Variants in CFAP54 observed in about 807,000 individuals in gnomAD.
CFAP54 encodes the protein cilia and flagella associated protein 54.
A neutral mutation model predicts 370.4 loss-of-function variants in CFAP54; 290 were observed. That is an observed-to-expected ratio of 0.78 (90% CI 0.71 to 0.86). The LOEUF is 0.86. Among genes scored for constraint, CFAP54 ranks in the 40% least tolerant of loss-of-function variants. CFAP54 has a pLI of 0.00. For synonymous variants in CFAP54, 1,206 were observed against 1,236.5 expected (o/e 0.98, Z 0.52); for missense variants, 3,399 against 3,528.7 (o/e 0.96, Z 0.93).
At chr12:96,616,579 C>A (rs1956421073) in intron 26 of CFAP54, among the ~76,000 whole-genome samples, 1 of 152,054 alleles carries the variant, frequency 6.6e-6, no homozygotes, top group Non-Finnish European at 1.5e-5. Context: ...TGACAAGACA[C>A]TGTAAGGAGA....
chr12:96,823,775 G>A lies in CFAP54; in HGVS notation c.9097-5239G>A, dbSNP rs183807465. Among the ~76,000 whole-genome samples the A allele has an allele frequency of 3.2e-3, 483 of 152,292 alleles. 3 individuals carry two copies. Among genetic ancestry groups the A allele is most frequent in the Non-Finnish European group, 5.1e-3 (344 of 68,026 alleles). ...GGTGAAAGGATTTTGTTCTGTAAGA[G>A]AGGGCTGTGGGAAAGCAGGGCTGGA... On this transcript the variant is annotated intron_variant, in intron 65 of 67. Transcript: ENST00000524981.
At chr12:96,619,804 A>C (rs1367254207) in intron 26 of CFAP54, among the ~76,000 whole-genome samples, 1 of 152,160 alleles carries the variant, frequency 6.6e-6, no homozygotes, top group South Asian at 2.1e-4. Flanking sequence ...GCTCAATTCT[A>C]TTTCCTTATA....
At chr12:96,860,754 T>C in intron 66 of CFAP54, 65 bp from the exon 67 acceptor site, 4 of 1,413,606 alleles carry the variant, frequency 2.8e-6, no homozygotes, top group Non-Finnish European at 3.7e-6. Flanking sequence ...TATTTGGGTA[T>C]TTTGAGAACT....
chr12:96,735,319 C>G (rs1025992325), intron 50 of CFAP54, among the ~76,000 whole-genome samples: 6 of 152,128 alleles, frequency 3.9e-5, no homozygotes, highest in African/African-American at 9.7e-5. Context: ...TCCACTTTAT[C>G]CCCTGAAAGG....
intron 25 of CFAP54, 79 bp downstream of exon 25, chr12:96,594,525 T>C (rs902803014): frequency 1.7e-5 from 20 of 1,173,026 alleles, no homozygotes; most frequent in Non-Finnish European, 2.1e-5. Flanking sequence ...AGAAAAGCCA[T>C]GTATCTCTTA....
intron 12 of CFAP54, among the ~76,000 whole-genome samples, chr12:96,536,630 T>TTC (rs1555228642): frequency 0.37 from 48,538 of 132,962 alleles, 8,719 homozygotes; most frequent in Non-Finnish European, 0.43. Context: ...CTTTTTCTTT[T>TTC]TTTTTTTTTT....
intron 60 of CFAP54, among the ~76,000 whole-genome samples, chr12:96,766,067 A>G (rs762578207): frequency 7.9e-5 from 12 of 152,166 alleles, no homozygotes; most frequent in Non-Finnish European, 1.8e-4. Context: ...CCAAAGGAGA[A>G]GAGTTTTAAC....
intron 48 of CFAP54, among the ~76,000 whole-genome samples, chr12:96,716,857 G>C (rs1447591997): frequency 1.3e-5 from 2 of 152,168 alleles, no homozygotes; most frequent in Non-Finnish European, 2.9e-5. Context: ...GAAAGGAGAG[G>C]AGTATGCATA....
At chr12:96,591,664 C>T (rs1202195435) in intron 23 of CFAP54, among the ~76,000 whole-genome samples, 2 of 151,764 alleles carry the variant, frequency 1.3e-5, no homozygotes, top group Non-Finnish European at 2.9e-5. Flanking sequence ...CCGAGACGGG[C>T]GGATCACGAG....
chr12:96,868,339 G>T (rs1960059886), intron 67 of CFAP54, among the ~76,000 whole-genome samples: 1 of 151,518 alleles, frequency 6.6e-6, no homozygotes, highest in South Asian at 2.1e-4. Context: ...TACTGAGGTT[G>T]AATGTTTTTC....
chr12:96,827,719 T>TATAATTATATTTAATATAATTATAG (rs1959133864), intron 65 of CFAP54, among the ~76,000 whole-genome samples: 2 of 127,702 alleles, frequency 1.6e-5, no homozygotes, highest in Non-Finnish European at 3.1e-5. Context: ...TATAATTATA[T>TATAATTATATTTAATATAATTATAG]ATAATTATAT....
At chr12:96,744,862 C>T (rs778864892) in intron 55 of CFAP54, among the ~76,000 whole-genome samples, 1 of 152,096 alleles carries the variant, frequency 6.6e-6, no homozygotes, top group African/African-American at 2.4e-5. Flanking sequence ...CTCTACCCCC[C>T]AGTAGGTCAT....
chr12:96,674,264 C>A (rs895264213), intron 39 of CFAP54, among the ~76,000 whole-genome samples: 1 of 152,072 alleles, frequency 6.6e-6, no homozygotes, highest in African/African-American at 2.4e-5. Flanking sequence ...CCGTGGTGGA[C>A]CCCTTTCTCA....
rs1958377839 is a variant in CFAP54, at chr12:96,764,544, C to G, written c.8139+295C>G. Among the ~76,000 whole-genome samples, 2 of 152,112 alleles carry G rather than the reference C, an allele frequency of 1.3e-5. 1 individual carries two copies. The highest frequency in any genetic ancestry group is 4.1e-4 in the South Asian group (2 of 4,824). The stretch of plus-strand genomic sequence containing the variant: ...GCTGAGGCAAAAGGATTGCTTGACT[C>G]TGGGAGGTCGAGGCTGCAGTGAGCT... On this transcript the variant is annotated intron_variant, in intron 59 of 67. Coordinates refer to ENST00000524981, the MANE Select transcript of CFAP54 (RefSeq NM_001306084.2).
At chr12:96,785,217 A>G (rs1958616863) in intron 61 of CFAP54, among the ~76,000 whole-genome samples, 3 of 152,220 alleles carry the variant, frequency 2.0e-5, no homozygotes, top group Admixed American at 2.0e-4. Flanking sequence ...AATGAACAAG[A>G]TGACATTTTG....
intron 65 of CFAP54, among the ~76,000 whole-genome samples, chr12:96,819,911 G>T (rs998734068): frequency 1.3e-5 from 2 of 152,148 alleles, no homozygotes; most frequent in Non-Finnish European, 2.9e-5. Flanking sequence ...GGCCCTCCTT[G>T]TGACACTTTT....
At chr12:96,657,182 G>A (rs11108621) in intron 36 of CFAP54, among the ~76,000 whole-genome samples, 5,191 of 152,234 alleles carry the variant, frequency 0.034, 217 homozygotes, top group African/African-American at 0.098. Context: ...CCCTTATATG[G>A]ATCTAAGAGG....
chr12:96,874,611 GC>G (rs1420450747), intron 67 of CFAP54, among the ~76,000 whole-genome samples: 3 of 92,460 alleles, frequency 3.2e-5, no homozygotes, highest in African/African-American at 1.3e-4. Context: ...TGGGATCTCT[GC>G]TTTTTTTTAT....
At chr12:96,771,084 A>T (rs1017751529) in intron 60 of CFAP54, among the ~76,000 whole-genome samples, 7 of 152,222 alleles carry the variant, frequency 4.6e-5, no homozygotes, top group Non-Finnish European at 1.0e-4. Flanking sequence ...GAAAATTCCA[A>T]ATTGCCAAAG....
Sources: gnomAD v4.1 joint callset for allele counts (sites outside exome capture counted in the v4.1 genomes callset) on GRCh38, gnomAD v4.1.1 for gene constraint, MANE v1.5 for transcripts, NCBI Gene and HGNC (gene_info 2026-07-23, HGNC 2026-07-21) for gene names.